Variants in METTL8 observed in about 807,000 individuals in gnomAD.
METTL8 encodes methyltransferase 8, tRNA N3-cytidine.
Under a neutral mutation model 48.7 loss-of-function variants are expected in METTL8, and 32 were observed. The ratio of observed to expected loss-of-function variants is 0.66; its 90% CI spans 0.50 to 0.88. METTL8 has a LOEUF of 0.88. Ranked by LOEUF, METTL8 falls within the 40% of genes least tolerant of loss-of-function variation. The pLI is 0.00. For synonymous variants in METTL8, 136 were observed against 157.1 expected (o/e 0.87, Z 1.01); for missense variants, 464 against 474.4 (o/e 0.98, Z 0.20).
intron 3 of METTL8, among the ~76,000 whole-genome samples, chr2:171,351,209 T>C (rs898625746): frequency 3.3e-5 from 5 of 152,226 alleles, no homozygotes; most frequent in African/African-American, 1.2e-4. Flanking sequence ...GCACCATTTA[T>C]TAAATAGGGA....
At chr2:171,387,272 G>A (rs1688152071) in intron 2 of METTL8, among the ~76,000 whole-genome samples, 2 of 152,108 alleles carry the variant, frequency 1.3e-5, no homozygotes, top group Admixed American at 6.6e-5. Flanking sequence ...CATGGGGTAG[G>A]AGCCCCACAG....
At chr2:171,422,399 A>G (rs745996690) in intron 1 of METTL8, among the ~76,000 whole-genome samples, 31 of 152,270 alleles carry the variant, frequency 2.0e-4, no homozygotes, top group Non-Finnish European at 3.8e-4. Context: ...TAGAAAAAGA[A>G]TAAGAGGATA....
chr2:171,407,504 G>A (rs959729759), intron 1 of METTL8, among the ~76,000 whole-genome samples: 1 of 152,106 alleles, frequency 6.6e-6, no homozygotes, highest in Non-Finnish European at 1.5e-5. Context: ...GGCTCTTACA[G>A]TGTGGCCAAA....
intron 7 of METTL8, among the ~76,000 whole-genome samples, chr2:171,328,245 A>G (rs1204676001): frequency 6.6e-6 from 1 of 151,968 alleles, no homozygotes; most frequent in African/African-American, 2.4e-5. Flanking sequence ...TAAAAAATGT[A>G]TTGACTGCCT....
rs1414111068 is a variant in METTL8, at chr2:171,325,864, G to T, written c.1010C>A (p.Thr337Asn). ...ACCTTTTGTAAAGAAATATGCTCTG[G>T]TACCATCTCCTCGAACATAAAAATT... ...SENFYVRGDGTRAYFFTKGEV... is the reference protein window; with the variant it reads ...SENFYVRGDGNRAYFFTKGEV... Residue 337 changes from threonine (T) to asparagine (N), a missense_variant, in exon 9 of 10, where the codon ACC (threonine) becomes AAC (asparagine). Transcript: ENST00000375258. 1.2e-5 allele frequency: 19 copies of T among 1,595,226 alleles called. No individual in the cohort carries two copies. Among genetic ancestry groups the T allele is most frequent in the Non-Finnish European group, 1.6e-5 (19 of 1,168,926 alleles).
chr2:171,433,555 G>A (rs943211300), intron 1 of METTL8, among the ~76,000 whole-genome samples: 7 of 152,284 alleles, frequency 4.6e-5, no homozygotes, highest in African/African-American at 1.7e-4. Flanking sequence ...CATACAGGCA[G>A]GGCTAGTTAA....
At chr2:171,336,440 C>T (rs555589451) in intron 5 of METTL8, among the ~76,000 whole-genome samples, 60 of 145,556 alleles carry the variant, frequency 4.1e-4, no homozygotes, top group African/African-American at 1.5e-3. Context: ...CTCACTCTGT[C>T]GCCCAGGCTG....
At chr2:171,411,821 T>C (rs754346716) in intron 1 of METTL8, among the ~76,000 whole-genome samples, 1 of 152,102 alleles carries the variant, frequency 6.6e-6, no homozygotes, top group Non-Finnish European at 1.5e-5. Flanking sequence ...GACAAATAGA[T>C]TGCTTACATT....
At position 171,319,928 on chromosome 2, in the gene METTL8, C is replaced by T. The variant is rs1285751882; in HGVS notation, c.*4244G>A. 6.6e-6 allele frequency: 1 copy of T among 151,966 alleles called. No homozygotes were observed. The highest frequency in any genetic ancestry group is 1.9e-4 in the East Asian group (1 of 5,176). 9.4% of individuals were successfully genotyped at this position (151,966 alleles called of 1,614,324 possible). ...CTTTTACTCCTGGAAAGAAAATGGT[C>T]CTTTTGAAATTCAGCTCTCTCAGAA... On this transcript the variant is annotated 3_prime_UTR_variant, in exon 10 of 10. Coordinates refer to ENST00000375258, the MANE Select transcript of METTL8 (RefSeq NM_001321154.2).
chr2:171,429,296 T>C (rs759193264), intron 1 of METTL8, among the ~76,000 whole-genome samples: 41 of 152,198 alleles, frequency 2.7e-4, no homozygotes, highest in Admixed American at 2.6e-4. Context: ...GGGACTACTG[T>C]ATGTAAATGA....
chr2:171,335,372 G>T (rs921277970), intron 5 of METTL8, among the ~76,000 whole-genome samples: 3 of 152,072 alleles, frequency 2.0e-5, no homozygotes, highest in South Asian at 4.1e-4. Flanking sequence ...GAATTGAGGT[G>T]TTAGGCATAT....
intron 2 of METTL8, among the ~76,000 whole-genome samples, chr2:171,388,038 A>G (rs1350713251): frequency 6.6e-6 from 1 of 152,200 alleles, no homozygotes; most frequent in Non-Finnish European, 1.5e-5. Flanking sequence ...CACAAAGCCT[A>G]TTATTCAAAA....
intron 2 of METTL8, among the ~76,000 whole-genome samples, chr2:171,366,790 A>G (rs1685764746): frequency 6.6e-6 from 1 of 150,666 alleles, no homozygotes; most frequent in Non-Finnish European, 1.5e-5. Flanking sequence ...GCACTTTGGG[A>G]GGCTGAAGTA....
At chr2:171,361,442 G>T (rs1254626440) in intron 2 of METTL8, among the ~76,000 whole-genome samples, 1 of 152,082 alleles carries the variant, frequency 6.6e-6, no homozygotes, top group Non-Finnish European at 1.5e-5. Context: ...GATGAGAAGG[G>T]ATAAATTATA....
chr2:171,384,833 AAATT>A (rs1460036040), intron 2 of METTL8, among the ~76,000 whole-genome samples: 6 of 152,210 alleles, frequency 3.9e-5, no homozygotes, highest in African/African-American at 9.6e-5. Flanking sequence ...TGCTGTCTTT[AAATT>A]AATTAATTAA....
At chr2:171,398,126 G>A (rs916027765) in intron 1 of METTL8, among the ~76,000 whole-genome samples, 1 of 152,136 alleles carries the variant, frequency 6.6e-6, no homozygotes, top group Non-Finnish European at 1.5e-5. Flanking sequence ...ATATGATTCA[G>A]CAATTCTACT....
intron 7 of METTL8, among the ~76,000 whole-genome samples, chr2:171,329,284 C>A (rs1168287282): frequency 6.6e-6 from 1 of 152,246 alleles, no homozygotes; most frequent in Non-Finnish European, 1.5e-5. Flanking sequence ...AACCACTGCA[C>A]CTGGCCTTTC....
intron 3 of METTL8, among the ~76,000 whole-genome samples, chr2:171,345,714 G>C (rs1246327896): frequency 6.6e-6 from 1 of 152,082 alleles, no homozygotes; most frequent in Non-Finnish European, 1.5e-5. Context: ...TCCATAGGTA[G>C]ATAGTTAATT....
intron 1 of METTL8, among the ~76,000 whole-genome samples, chr2:171,431,224 G>A (rs1031506164): frequency 1.3e-5 from 2 of 151,790 alleles, no homozygotes; most frequent in African/African-American, 2.4e-5. Flanking sequence ...GCCCACAATA[G>A]AAAATTCCAT....
Sources: gnomAD v4.1 joint callset for allele counts (sites outside exome capture counted in the v4.1 genomes callset) on GRCh38, gnomAD v4.1.1 for gene constraint, MANE v1.5 for transcripts, NCBI Gene and HGNC (gene_info 2026-07-23, HGNC 2026-07-21) for gene names.